Variants in RARB observed in about 807,000 individuals in gnomAD.
The protein encoded by RARB is retinoic acid receptor beta.
A neutral mutation model predicts 51.9 loss-of-function variants in RARB; 17 were observed. The ratio of observed to expected loss-of-function variants is 0.33; its 90% CI spans 0.22 to 0.49. The LOEUF (loss-of-function observed/expected upper bound fraction) is 0.49. Ranked by LOEUF, RARB falls within the 20% of genes least tolerant of loss-of-function variation. RARB has a pLI of 0.99. For synonymous variants in RARB, 215 were observed against 195.4 expected, an observed-to-expected ratio of 1.10 and a Z score of -0.84; for missense variants, 369 against 550.8, an observed-to-expected ratio of 0.67 and a Z score of 3.30.
intron 2 of RARB, among the ~76,000 whole-genome samples, chr3:25,056,182 C>T (rs1437092845): frequency 6.6e-6 from 1 of 152,038 alleles, no homozygotes; most frequent in African/African-American, 2.4e-5. Flanking sequence ...ACAAACTAGG[C>T]AGCCTAAATT....
chr3:25,484,770 A>G (rs1696381662), intron 2 of RARB, among the ~76,000 whole-genome samples: 1 of 152,146 alleles, frequency 6.6e-6, no homozygotes, highest in Non-Finnish European at 1.5e-5. Flanking sequence ...GGCCCTTTAT[A>G]GAAATCTGCC....
chr3:24,903,604 G>A lies in RARB; in HGVS notation c.-380+44852G>A, dbSNP rs76602584. On this transcript the variant is annotated intron_variant, in intron 2 of 11. Transcript: ENST00000383772. The stretch of plus-strand genomic sequence containing the variant: ...CCATCAAATGTGGTTTAGGAATTAC[G>A]CAAACAACACATTCAGACTTTTATC... Among the ~76,000 whole-genome samples the A allele has an allele frequency of 2.9e-3, 448 of 152,140 alleles. 19 individuals are homozygous for A. In the East Asian group the frequency reaches 0.069, roughly 23 times the overall value.
chr3:24,846,151 CT>C, intron 1 of RARB, among the ~76,000 whole-genome samples: 1 of 152,266 alleles, frequency 6.6e-6, no homozygotes, highest in Admixed American at 6.5e-5. Flanking sequence ...GGTTTAACAT[CT>C]TTTTCATTAA....
intron 2 of RARB, among the ~76,000 whole-genome samples, chr3:24,865,719 A>G (rs1559376036): frequency 6.6e-6 from 1 of 152,186 alleles, no homozygotes; most frequent in Non-Finnish European, 1.5e-5. Context: ...TACAAACACA[A>G]TTTGAGTAAA....
intron 5 of RARB, among the ~76,000 whole-genome samples, chr3:25,375,293 A>T (rs1406810837): frequency 6.6e-6 from 1 of 152,208 alleles, no homozygotes; most frequent in Non-Finnish European, 1.5e-5. Context: ...CCCTGTCACT[A>T]GGGCTGAATT....
rs114770268 is a variant in RARB at position 25,303,267 on chromosome 3, A to G, written c.178+128692A>G. Among the ~76,000 whole-genome samples, 994 of 152,278 alleles carry G rather than the reference A, an allele frequency of 6.5e-3. 8 individuals are homozygous for G. The highest frequency in any genetic ancestry group is 0.031 in the Middle Eastern group (9 of 294). ...AGATTGTGACCCAAGAAGCAAAGAA[A>G]ATTGATGCTGATTTTATCCTCCCAA... On this transcript the variant is annotated intron_variant, in intron 5 of 11. Coordinates refer to the RARB transcript ENST00000383772.
At chr3:24,923,385 G>T (rs187949269) in intron 2 of RARB, among the ~76,000 whole-genome samples, 3 of 152,164 alleles carry the variant, frequency 2.0e-5, no homozygotes, top group Admixed American at 1.3e-4. Context: ...CATGCTAAAA[G>T]AATTCATTTG....
chr3:25,320,028 C>CTT (rs113901586), intron 5 of RARB, among the ~76,000 whole-genome samples: 3,788 of 142,342 alleles, frequency 0.027, 151 homozygotes, highest in African/African-American at 0.085. Context: ...TAAGGATCAT[C>CTT]TTTTTTTTTT....
intron 4 of RARB, among the ~76,000 whole-genome samples, chr3:25,145,831 A>G (rs1018485945): frequency 2.3e-5 from 1 of 43,586 alleles, no homozygotes; most frequent in African/African-American, 1.0e-4. Flanking sequence ...CCCCATCTCT[A>G]CTAAAAATAC....
At chr3:25,259,135 A>C (rs1341772947) in intron 5 of RARB, 1 of 917,802 alleles carries the variant, frequency 1.1e-6, no homozygotes, top group East Asian at 1.2e-4. Context: ...CTCTCAAGAA[A>C]CACTATTTAA....
intron 2 of RARB, among the ~76,000 whole-genome samples, chr3:25,482,614 A>G (rs1335195601): frequency 1.6e-5 from 2 of 126,280 alleles, no homozygotes; most frequent in Non-Finnish European, 1.6e-5. Context: ...ATCTCGGCTC[A>G]CTGCAACCTC....
intron 2 of RARB, among the ~76,000 whole-genome samples, chr3:24,913,402 C>CTTT (rs66779362): frequency 3.0e-4 from 33 of 108,394 alleles, no homozygotes; most frequent in African/African-American, 6.9e-4. Flanking sequence ...CTCTCTCTCT[C>CTTT]TTTTTTTTTT....
chr3:25,147,635 T>G (rs1014978062), intron 4 of RARB, among the ~76,000 whole-genome samples: 2 of 152,170 alleles, frequency 1.3e-5, no homozygotes, highest in Admixed American at 1.3e-4. Flanking sequence ...AGGATAAACA[T>G]AAATTATATA....
chr3:24,850,024 G>A (rs1044615364), intron 1 of RARB, among the ~76,000 whole-genome samples: 3 of 152,154 alleles, frequency 2.0e-5, no homozygotes, highest in Non-Finnish European at 4.4e-5. Context: ...GGAAGTTCAA[G>A]ACCAAGATGA....
At chr3:25,084,465 A>T (rs1699067777) in intron 3 of RARB, among the ~76,000 whole-genome samples, 1 of 151,922 alleles carries the variant, frequency 6.6e-6, no homozygotes, top group Non-Finnish European at 1.5e-5. Context: ...TATTTTGTTG[A>T]CTTTTAATCA....
chr3:25,066,730 A>C (rs993831508), intron 3 of RARB, among the ~76,000 whole-genome samples: 1 of 152,150 alleles, frequency 6.6e-6, no homozygotes, highest in African/African-American at 2.4e-5. Context: ...ACATTGTAGA[A>C]AATTCCAAAA....
chr3:24,993,348 G>A (rs1483797925), intron 2 of RARB, among the ~76,000 whole-genome samples: 1 of 151,990 alleles, frequency 6.6e-6, no homozygotes, highest in African/African-American at 2.4e-5. Context: ...ATGGCATTTT[G>A]TAAACAGCGT....
chr3:25,404,168 G>A (rs914079104), intron 5 of RARB, among the ~76,000 whole-genome samples: 6 of 152,174 alleles, frequency 3.9e-5, no homozygotes, highest in African/African-American at 1.2e-4. Flanking sequence ...TTCTCAGGTT[G>A]CTTTACACTT....
intron 2 of RARB, among the ~76,000 whole-genome samples, chr3:25,472,680 A>G (rs147223347): frequency 1.3e-5 from 2 of 152,194 alleles, no homozygotes; most frequent in East Asian, 3.8e-4. Context: ...CCTTAAATAC[A>G]TTTCTGTAAG....
Sources: gnomAD v4.1 joint callset for allele counts (sites outside exome capture counted in the v4.1 genomes callset) on GRCh38, gnomAD v4.1.1 for gene constraint, MANE v1.5 for transcripts, NCBI Gene and HGNC (gene_info 2026-07-23, HGNC 2026-07-21) for gene names.